CSMD1: variants seen among roughly 807,000 people sequenced by gnomAD.
The protein encoded by CSMD1 is CUB and Sushi multiple domains 1, also known as CUB and sushi domain-containing protein 1.
In CSMD1, 213 loss-of-function variants were observed where a neutral mutation model predicts 417.5. That is an observed-to-expected ratio of 0.51 (90% CI 0.46 to 0.57). The LOEUF (loss-of-function observed/expected upper bound fraction) is 0.57, where lower values mean the gene tolerates loss of function less well. Ranked by LOEUF, CSMD1 falls within the 20% of genes least tolerant of loss-of-function variation. The pLI is 0.00. For synonymous variants in CSMD1, 2,862 were observed against 1,736.8 expected (o/e 1.65, Z -16.11); for missense variants, 6,923 against 4,529.7 (o/e 1.53, Z -15.17).
At chr8:4,669,107 A>C (rs1805129961) in intron 1 of CSMD1, among the ~76,000 whole-genome samples, 1 of 152,200 alleles carries the variant, frequency 6.6e-6, no homozygotes. Context: ...CTTCAGCTTT[A>C]AAAAATCTGC....
intron 12 of CSMD1, among the ~76,000 whole-genome samples, chr8:3,460,396 C>G (rs1055492258): frequency 1.3e-5 from 2 of 152,126 alleles, no homozygotes; most frequent in African/African-American, 4.8e-5. Flanking sequence ...AACCACTTTA[C>G]AGAATATTCT....
intron 5 of CSMD1, among the ~76,000 whole-genome samples, chr8:3,917,666 G>C (rs971440014): frequency 6.6e-6 from 1 of 151,934 alleles, no homozygotes; most frequent in Non-Finnish European, 1.5e-5. Context: ...CATGCAAAAA[G>C]TTGTACACAT....
At chr8:4,778,596 G>C (rs781110764) in intron 1 of CSMD1, among the ~76,000 whole-genome samples, 3 of 152,188 alleles carry the variant, frequency 2.0e-5, no homozygotes, top group Non-Finnish European at 4.4e-5. Flanking sequence ...TGAGAGGGAG[G>C]TCATGTGCAG....
intron 5 of CSMD1, among the ~76,000 whole-genome samples, chr8:3,859,652 G>A (rs368923474): frequency 6.6e-5 from 10 of 152,270 alleles, no homozygotes; most frequent in African/African-American, 2.2e-4. Context: ...GACCTGAAGA[G>A]TGAGTTCAAC....
intron 9 of CSMD1, among the ~76,000 whole-genome samples, chr8:3,577,965 T>C (rs13256370): frequency 0.38 from 57,798 of 151,680 alleles, 11,501 homozygotes; most frequent in Middle Eastern, 0.45. Context: ...TTGTGATTTC[T>C]ACCAGCCGAT....
chr8:3,651,921 G>A lies in CSMD1; in HGVS notation c.1010-35124C>T, dbSNP rs571196310. Among the ~76,000 whole-genome samples the A allele has an allele frequency of 6.6e-4, 99 of 149,356 alleles. 1 individual carries two copies. Among genetic ancestry groups the A allele is most frequent in the African/African-American group, 2.4e-3 (96 of 40,374 alleles). On this transcript the variant is annotated intron_variant, in intron 7 of 69. Coordinates refer to ENST00000635120, the MANE Select transcript of CSMD1 (RefSeq NM_033225.6). ...CATCAGAGTGCTTACCATCATCAGA[G>A]CACCTACCACCATCAGTGGGCCTAC...
At chr8:4,732,216 C>G (rs902876619) in intron 1 of CSMD1, among the ~76,000 whole-genome samples, 1 of 152,086 alleles carries the variant, frequency 6.6e-6, no homozygotes, top group Non-Finnish European at 1.5e-5. Context: ...GTATCAGACC[C>G]CATGGGTAGA....
At chr8:3,273,675 C>T (rs1802047526) in intron 26 of CSMD1, among the ~76,000 whole-genome samples, 1 of 152,114 alleles carries the variant, frequency 6.6e-6, no homozygotes, top group African/African-American at 2.4e-5. Flanking sequence ...GTGTATGTGT[C>T]CAGGAATTTA....
chr8:4,593,203 ATC>A (rs1800076457), intron 2 of CSMD1, among the ~76,000 whole-genome samples: 1 of 152,192 alleles, frequency 6.6e-6, no homozygotes, highest in Admixed American at 6.5e-5. Context: ...GCCCTACAGA[ATC>A]TGCCTTTTGC....
chr8:4,044,166 G>A (rs1189561386), intron 3 of CSMD1, among the ~76,000 whole-genome samples: 1 of 152,008 alleles, frequency 6.6e-6, no homozygotes, highest in African/African-American at 2.4e-5. Flanking sequence ...TGAGAGTTGG[G>A]GTGGACTCAT....
At chr8:2,945,008 C>T (rs1462667552) in intron 68 of CSMD1, among the ~76,000 whole-genome samples, 1 of 152,078 alleles carries the variant, frequency 6.6e-6, no homozygotes, top group East Asian at 1.9e-4. Context: ...CCAAACTTAC[C>T]GTGAGATTAT....
At chr8:4,558,381 C>T (rs565365844) in intron 2 of CSMD1, among the ~76,000 whole-genome samples, 11 of 152,140 alleles carry the variant, frequency 7.2e-5, no homozygotes, top group Admixed American at 1.3e-4. Context: ...ATCACTAAAA[C>T]GTATTTTTCA....
chr8:4,687,369 C>T (rs76631017), intron 1 of CSMD1, among the ~76,000 whole-genome samples: 3,207 of 152,176 alleles, frequency 0.021, 48 homozygotes, highest in South Asian at 0.029. Flanking sequence ...CATTAAGTAA[C>T]GTGATATAGC....
At chr8:3,944,081 A>G (rs1226284307) in intron 5 of CSMD1, among the ~76,000 whole-genome samples, 4 of 152,178 alleles carry the variant, frequency 2.6e-5, no homozygotes, top group Non-Finnish European at 2.9e-5. Context: ...AGAAAAATAT[A>G]CAGTGAGAAA....
At chr8:3,178,247 C>T (rs1217644296) in intron 37 of CSMD1, among the ~76,000 whole-genome samples, 1 of 151,956 alleles carries the variant, frequency 6.6e-6, no homozygotes. Flanking sequence ...CACCAGTGTC[C>T]ATTTGGATGT....
intron 49 of CSMD1, among the ~76,000 whole-genome samples, chr8:3,082,047 C>G (rs1814140793): frequency 6.6e-6 from 1 of 152,202 alleles, no homozygotes; most frequent in African/African-American, 2.4e-5. Context: ...CCAGATTTAT[C>G]TCTTCCTTTT....
At chr8:4,751,084 C>G (rs1464379810) in intron 1 of CSMD1, among the ~76,000 whole-genome samples, 2 of 152,002 alleles carry the variant, frequency 1.3e-5, no homozygotes, top group South Asian at 4.1e-4. Flanking sequence ...ACATGTGCAT[C>G]GTTAAAGAGA....
intron 5 of CSMD1, among the ~76,000 whole-genome samples, chr8:3,973,696 T>G (rs1051060833): frequency 6.6e-6 from 1 of 152,220 alleles, no homozygotes; most frequent in Non-Finnish European, 1.5e-5. Flanking sequence ...GAGGTGTGAA[T>G]GCAAGACCTT....
chr8:4,289,307 G>C (rs1255722988), intron 3 of CSMD1, among the ~76,000 whole-genome samples: 1 of 152,152 alleles, frequency 6.6e-6, no homozygotes, highest in Non-Finnish European at 1.5e-5. Context: ...CATTATATAT[G>C]AGATTGCTAT....
Sources: gnomAD v4.1 joint callset for allele counts (sites outside exome capture counted in the v4.1 genomes callset) on GRCh38, gnomAD v4.1.1 for gene constraint, MANE v1.5 for transcripts, NCBI Gene and HGNC (gene_info 2026-07-23, HGNC 2026-07-21) for gene names.